The following BBS5 variants were observed in gnomAD, a reference collection of about 807,000 sequenced individuals.
BBS5 encodes Bardet-Biedl syndrome 5.
In BBS5, 39 loss-of-function variants were observed where a neutral mutation model predicts 50.2. The observed-to-expected ratio is 0.78, with a 90% CI of 0.60 to 1.01. The LOEUF (loss-of-function observed/expected upper bound fraction) is 1.01. Among genes scored for constraint, BBS5 ranks in the 50% least tolerant of loss-of-function variants. BBS5 has a pLI of 0.00. For synonymous variants in BBS5, 134 were observed against 133.1 expected (o/e 1.01, Z -0.05); for missense variants, 356 against 401.5 (o/e 0.89, Z 0.97).
chr2:169,493,885 T>C, intron 7 of BBS5, 49 bp downstream of exon 7: 1 of 1,311,182 alleles, frequency 7.6e-7, no homozygotes, highest in Non-Finnish European at 1.1e-6. Flanking sequence ...AATAAATATT[T>C]TTTGTTCAAT....
intron 8 of BBS5, chr2:169,498,923 A>G (rs1206794261): frequency 6.5e-6 from 1 of 154,162 alleles, no homozygotes; most frequent in African/African-American, 2.4e-5. Flanking sequence ...TTAACCCAGA[A>G]CATATACTCT....
chr2:169,487,748 G>T, intron 3 of BBS5, 58 bp from the exon 4 acceptor site: 1 of 1,271,188 alleles, frequency 7.9e-7, no homozygotes, highest in Non-Finnish European at 1.1e-6. Context: ...TTTTAGAAAA[G>T]TATTTTTTCT....
intron 5 of BBS5, among the ~76,000 whole-genome samples, chr2:169,489,851 C>CATTTTTTTTTTTTTTTTT (rs1683559445): frequency 1.5e-5 from 1 of 65,890 alleles, no homozygotes; most frequent in African/African-American, 8.3e-5. Context: ...CATAAATTTC[C>CATTTTTTTTTTTTTTTTT]TTTTTTTTTT....
intron 8 of BBS5, among the ~76,000 whole-genome samples, chr2:169,498,446 C>T (rs1262885331): frequency 6.6e-6 from 1 of 152,088 alleles, no homozygotes; most frequent in Non-Finnish European, 1.5e-5. Context: ...AAGAACTATA[C>T]CAAATGTCAT....
At chr2:169,488,143 TA>T in intron 5 of BBS5, 29 bp downstream of exon 5, 1 of 1,608,332 alleles carries the variant, frequency 6.2e-7, no homozygotes. Context: ...GATTATTGAA[TA>T]TTTTTTGTTT....
chr2:169,503,397 C>A (rs1386146923), intron 10 of BBS5, among the ~76,000 whole-genome samples: 1 of 152,130 alleles, frequency 6.6e-6, no homozygotes, highest in South Asian at 2.1e-4. Context: ...CAGTGGCTCA[C>A]ACCTGTAAGC....
Position 169,504,602 on chromosome 2 carries a change from G to C in BBS5, c.*20G>C. 1 of 1,532,188 alleles carries C rather than the reference G, an allele frequency of 6.5e-7. No homozygotes were observed. Among genetic ancestry groups the C allele is most frequent in the East Asian group, 2.2e-5 (1 of 44,458 alleles). 94.9% of individuals were successfully genotyped at this position (1,532,188 alleles called of 1,614,324 possible). A position where few individuals can be genotyped will look rare whatever the true frequency, so the allele number is the denominator to read the frequency against. Reference sequence around the variant, plus strand: ...AGTTGATTGACCTTGAGTTGAGATGGATTTCTATTAAAGATATCTCTAGTT... The same window carrying C: ...AGTTGATTGACCTTGAGTTGAGATGCATTTCTATTAAAGATATCTCTAGTT... On this transcript the variant is annotated 3_prime_UTR_variant, in exon 12 of 12. Transcript: ENST00000295240.
chr2:169,498,215 C>T (rs1683729545), intron 8 of BBS5, among the ~76,000 whole-genome samples: 1 of 152,132 alleles, frequency 6.6e-6, no homozygotes, highest in African/African-American at 2.4e-5. Flanking sequence ...TAATTATAAC[C>T]TGTTATGCTC....
intron 2 of BBS5, among the ~76,000 whole-genome samples, chr2:169,484,134 G>A (rs771942363): frequency 6.6e-6 from 1 of 152,194 alleles, no homozygotes; most frequent in Non-Finnish European, 1.5e-5. Context: ...TATAATTCCA[G>A]TACTTTGGGA....
At chr2:169,493,912 A>G (rs1683648779) in intron 7 of BBS5, 76 bp downstream of exon 7, 1 of 955,258 alleles carries the variant, frequency 1.0e-6, no homozygotes, top group African/African-American at 1.7e-5. Context: ...TTGGACTTTT[A>G]GATGAGTTCT....
intron 11 of BBS5, 32 bp from the exon 12 acceptor site, chr2:169,504,449 A>C (rs1426140684): frequency 6.3e-7 from 1 of 1,597,454 alleles, no homozygotes; most frequent in African/African-American, 1.3e-5. Flanking sequence ...CACCTTCTCT[A>C]TTCCCATCTT....
At chr2:169,479,703 C>A in intron 1 of BBS5, 91 bp downstream of exon 1, 1 of 1,396,626 alleles carries the variant, frequency 7.2e-7, no homozygotes. Flanking sequence ...TGCACCTCCG[C>A]AGCTCGCGGC....
chr2:169,490,295 G>A (rs565657279), intron 5 of BBS5, among the ~76,000 whole-genome samples: 1 of 136,476 alleles, frequency 7.3e-6, no homozygotes, highest in African/African-American at 2.8e-5. Context: ...CCGGGTTCAC[G>A]CCATTCTCCT....
chr2:169,492,934 C>A lies in BBS5; in HGVS notation c.447C>A (p.Asn149Lys), dbSNP rs1256207787. ...AATTAAGAAGTGCACTAATTCAGAA[C>A]AAGCAACTAAGACTGTTGCCACAAG... ...DFKLRSALIQ[N>K]KQLRLLPQEH... The change falls in exon 6 of 12, where the codon AAC becomes AAA. Residue 149 changes from asparagine (N) to lysine (K), a missense_variant. Asn to Lys is a moderately conservative substitution (Grantham distance 94, BLOSUM62 0). Coordinates refer to ENST00000295240, the MANE Select transcript of BBS5 (RefSeq NM_152384.3). 3.1e-6 allele frequency: 5 copies of A among 1,612,306 alleles called. No homozygotes were observed. The East Asian group carries it at 1.1e-4, about 36-fold the overall frequency.
At chr2:169,480,294 ACCT>A (rs573199049) in intron 1 of BBS5, among the ~76,000 whole-genome samples, 2 of 152,132 alleles carry the variant, frequency 1.3e-5, no homozygotes, top group South Asian at 2.1e-4. Flanking sequence ...GTGGTTAGAA[ACCT>A]CCTACTCCAA....
At chr2:169,502,210 A>G (rs375186430) in intron 9 of BBS5, among the ~76,000 whole-genome samples, 3 of 152,178 alleles carry the variant, frequency 2.0e-5, no homozygotes, top group East Asian at 3.9e-4. Context: ...ACTGTGTTAA[A>G]CATCTGCTGT....
chr2:169,490,933 C>G (rs1250237468), intron 5 of BBS5, among the ~76,000 whole-genome samples: 1 of 152,186 alleles, frequency 6.6e-6, no homozygotes, highest in East Asian at 1.9e-4. Context: ...TGTCTGACCT[C>G]TTTCACTTAC....
At position 169,487,791 on chromosome 2, in the gene BBS5, GCT is replaced by G; in HGVS notation, c.209-14_209-13del. On this transcript the variant is annotated splice_polypyrimidine_tract_variant and intron_variant, in intron 3 of 11. Transcript: ENST00000295240. ...CCATATCATGCTCTTTACATTCTTT[GCT>G]TTTGGATTTTAGCTGTCGGTTACAA... 1 of 1,591,346 alleles carries G rather than the reference GCT, an allele frequency of 6.3e-7. No individual in the cohort carries two copies. The highest frequency in any genetic ancestry group is 8.6e-7 in the Non-Finnish European group (1 of 1,161,844).
At position 169,487,996 on chromosome 2, in the gene BBS5, G is replaced by A. The variant is rs1267681322; in HGVS notation, c.268G>A (p.Gly90Ser). ...TTRTANSKLR[G>S]QTEALYILTK... is the part of the protein sequence containing the mutation. ...AAATTTGTCCTTACAGAAATTACGA[G>A]GCCAAACTGAAGCTCTCTATATACT... The change falls in exon 5 of 12, where the codon GGC becomes AGC. Residue 90 changes from glycine (G) to serine (S), a missense_variant. Physicochemically the swap from Gly to Ser is moderately conservative, Grantham distance 56. Transcript: ENST00000295240. 1.2e-6 allele frequency: 2 copies of A among 1,613,620 alleles called. No individual in the cohort carries two copies. The highest frequency in any genetic ancestry group is 1.7e-5 in the Admixed American group (1 of 60,004).
Sources: gnomAD v4.1 joint callset for allele counts (sites outside exome capture counted in the v4.1 genomes callset) on GRCh38, gnomAD v4.1.1 for gene constraint, MANE v1.5 for transcripts, NCBI Gene and HGNC (gene_info 2026-07-23, HGNC 2026-07-21) for gene names.